Variants in GRIA1 observed in about 807,000 individuals in gnomAD.
GRIA1 encodes the protein glutamate ionotropic receptor AMPA type subunit 1, also known as glutamate receptor 1.
In GRIA1, 31 loss-of-function variants were observed where a neutral mutation model predicts 99.2. The ratio of observed to expected loss-of-function variants is 0.31; its 90% CI spans 0.23 to 0.42. The LOEUF is 0.42. Among genes scored for constraint, GRIA1 ranks in the 10% least tolerant of loss-of-function variants. The pLI is 1.00. For synonymous variants in GRIA1, 438 were observed against 432.4 expected (o/e 1.01, Z -0.16); for missense variants, 782 against 1,157.5 (o/e 0.68, Z 4.71).
chr5:153,526,218 C>T (rs1757581636), intron 2 of GRIA1, among the ~76,000 whole-genome samples: 1 of 152,166 alleles, frequency 6.6e-6, no homozygotes, highest in African/African-American at 2.4e-5. Flanking sequence ...ACCGCAGTTG[C>T]TCCCCAAAAG....
intron 4 of GRIA1, among the ~76,000 whole-genome samples, chr5:153,652,604 A>G (rs969118719): frequency 6.6e-6 from 1 of 152,182 alleles, no homozygotes; most frequent in Non-Finnish European, 1.5e-5. Flanking sequence ...TCCTCTCTCA[A>G]AGGGCAAACT....
At chr5:153,496,235 A>C (rs958401700) in intron 2 of GRIA1, among the ~76,000 whole-genome samples, 1 of 152,246 alleles carries the variant, frequency 6.6e-6, no homozygotes, top group South Asian at 2.1e-4. Context: ...AATATGATAC[A>C]GACAATGTTG....
At chr5:153,577,378 G>T (rs1762661326) in intron 2 of GRIA1, among the ~76,000 whole-genome samples, 1 of 152,164 alleles carries the variant, frequency 6.6e-6, no homozygotes, top group South Asian at 2.1e-4. Context: ...TGGAGATAGG[G>T]ACCAAGATGG....
At chr5:153,645,704 T>G (rs1231851913) in intron 2 of GRIA1, among the ~76,000 whole-genome samples, 2 of 152,162 alleles carry the variant, frequency 1.3e-5, no homozygotes, top group African/African-American at 4.8e-5. Context: ...GGTCGCATAC[T>G]GTAATTTGAG....
chr5:153,759,937 A>G (rs752563348), intron 11 of GRIA1, among the ~76,000 whole-genome samples: 1 of 152,116 alleles, frequency 6.6e-6, no homozygotes, highest in African/African-American at 2.4e-5. Context: ...TAGAATCAAG[A>G]ACACAAATTA....
intron 2 of GRIA1, among the ~76,000 whole-genome samples, chr5:153,548,858 T>C (rs963033939): frequency 1.4e-4 from 22 of 152,336 alleles, no homozygotes; most frequent in African/African-American, 5.1e-4. Flanking sequence ...TGCACAGTTT[T>C]TCATTCTTCA....
At chr5:153,584,981 T>A (rs1763345619) in intron 2 of GRIA1, among the ~76,000 whole-genome samples, 2 of 152,246 alleles carry the variant, frequency 1.3e-5, no homozygotes, top group Non-Finnish European at 2.9e-5. Context: ...TTCCTTGTGA[T>A]CATACATTCA....
chr5:153,707,002 C>T (rs1177169587), intron 11 of GRIA1, among the ~76,000 whole-genome samples: 1 of 151,780 alleles, frequency 6.6e-6, no homozygotes, highest in Non-Finnish European at 1.5e-5. Context: ...CCCGTAATTC[C>T]AGCTATTTCA....
intron 2 of GRIA1, among the ~76,000 whole-genome samples, chr5:153,523,707 C>T (rs1355728499): frequency 2.6e-5 from 4 of 151,988 alleles, no homozygotes; most frequent in African/African-American, 4.8e-5. Flanking sequence ...AAGAATGCTG[C>T]GAGGATAGAA....
intron 2 of GRIA1, among the ~76,000 whole-genome samples, chr5:153,627,693 C>T (rs1767767757): frequency 6.6e-6 from 1 of 152,142 alleles, no homozygotes; most frequent in South Asian, 2.1e-4. Flanking sequence ...GAGAGAGCTG[C>T]ATATGCCCCC....
intron 2 of GRIA1, among the ~76,000 whole-genome samples, chr5:153,510,203 T>C (rs963820996): frequency 6.6e-6 from 1 of 152,216 alleles, no homozygotes; most frequent in Admixed American, 6.5e-5. Context: ...TAACTAAATA[T>C]ATAGCTAGTT....
chr5:153,563,319 G>A (rs774435143), intron 2 of GRIA1, among the ~76,000 whole-genome samples: 11 of 152,088 alleles, frequency 7.2e-5, no homozygotes, highest in Admixed American at 2.6e-4. Context: ...CGAGCCCCAC[G>A]TTCTGATTCT....
chr5:153,611,952 A>G (rs1011033305), intron 2 of GRIA1, among the ~76,000 whole-genome samples: 1 of 152,206 alleles, frequency 6.6e-6, no homozygotes, highest in Non-Finnish European at 1.5e-5. Flanking sequence ...GTTTGTAATC[A>G]TGACTCTGTT....
Position 153,812,990 on chromosome 5 carries a change from G to A in GRIA1, c.*1765G>A, listed in dbSNP as rs1766925209. 6.6e-6 allele frequency: 1 copy of A among 152,160 alleles called. No homozygotes were observed. The highest frequency in any genetic ancestry group is 2.4e-5 in the African/African-American group (1 of 41,392). The allele number at this position is 152,160 out of a possible 1,614,324, so 9.4% of individuals were successfully genotyped here. ...GCTAAAGGTTTTGGAGCCCACCTAGGGGTAGGTGCAGCTTTATTGGCTTTT... is the reference window on the plus strand; with the variant it reads ...GCTAAAGGTTTTGGAGCCCACCTAGAGGTAGGTGCAGCTTTATTGGCTTTT... On this transcript the variant is annotated 3_prime_UTR_variant, in exon 16 of 16. Transcript: ENST00000285900.
chr5:153,543,326 T>A (rs1581203931), intron 2 of GRIA1, among the ~76,000 whole-genome samples: 1 of 152,180 alleles, frequency 6.6e-6, no homozygotes, highest in East Asian at 1.9e-4. Flanking sequence ...ACAGCTAACA[T>A]TTGTAGAGAG....
At chr5:153,680,109 G>A (rs761816232) in intron 7 of GRIA1, among the ~76,000 whole-genome samples, 5 of 152,126 alleles carry the variant, frequency 3.3e-5, no homozygotes, top group Non-Finnish European at 5.9e-5. Flanking sequence ...TTTAGATGAT[G>A]CCTCCCTCTG....
intron 2 of GRIA1, among the ~76,000 whole-genome samples, chr5:153,612,088 C>T (rs1766040994): frequency 6.6e-6 from 1 of 152,154 alleles, no homozygotes; most frequent in Non-Finnish European, 1.5e-5. Context: ...AAATGTGAGT[C>T]CTTGACCACC....
rs899427872 is a variant in GRIA1 at position 153,586,708 on chromosome 5, G to T, written c.221-60220G>T. Among the ~76,000 whole-genome samples the T allele has an allele frequency of 3.3e-5, 5 of 152,176 alleles. No homozygotes were observed. The East Asian group carries it at 9.6e-4, about 29-fold the overall frequency. ...GGTAATATTTGATGGAGTCTTGGAG[G>T]ATATCATTGGAGTGCTTTTTCCACC... On this transcript the variant is annotated intron_variant, in intron 2 of 15. Coordinates refer to ENST00000285900, the MANE Select transcript of GRIA1 (RefSeq NM_000827.4).
At chr5:153,584,170 A>T (rs1763274473) in intron 2 of GRIA1, among the ~76,000 whole-genome samples, 1 of 152,150 alleles carries the variant, frequency 6.6e-6, no homozygotes, top group South Asian at 2.1e-4. Context: ...AGTTGTACTC[A>T]TGTTGCCCCA....
Sources: gnomAD v4.1 joint callset for allele counts (sites outside exome capture counted in the v4.1 genomes callset) on GRCh38, gnomAD v4.1.1 for gene constraint, MANE v1.5 for transcripts, NCBI Gene and HGNC (gene_info 2026-07-23, HGNC 2026-07-21) for gene names.